Variants in PALM2AKAP2 observed in about 807,000 individuals in gnomAD.
PALM2AKAP2 encodes PALM2 and AKAP2 fusion, also known as PALM2-AKAP2 fusion protein.
Under a neutral mutation model 71.5 loss-of-function variants are expected in PALM2AKAP2, and 37 were observed. That is an observed-to-expected ratio of 0.52 (90% confidence interval 0.40 to 0.68). The LOEUF is 0.68. Ranked by LOEUF, PALM2AKAP2 falls within the 30% of genes least tolerant of loss-of-function variation. The pLI, the probability that PALM2AKAP2 is intolerant of heterozygous loss-of-function variation, is 0.00. For synonymous variants in PALM2AKAP2, 468 were observed against 478.8 expected, an observed-to-expected ratio of 0.98 and a Z score of 0.29; for missense variants, 1,224 against 1,191.8, an observed-to-expected ratio of 1.03 and a Z score of -0.40.
At chr9:109,732,158 G>A (rs1828565782) in intron 1 of PALM2AKAP2, among the ~76,000 whole-genome samples, 1 of 152,194 alleles carries the variant, frequency 6.6e-6, no homozygotes, top group Non-Finnish European at 1.5e-5. Context: ...AAAGACCAAT[G>A]TACAGATCAA....
rs377317136 is a variant in PALM2AKAP2, at chr9:109,759,427, A to C, written c.6-21061A>C. Among the ~76,000 whole-genome samples, 13 of 152,292 alleles carry C rather than the reference A, an allele frequency of 8.5e-5. 1 individual carries two copies. The East Asian group carries it at 2.1e-3, about 25-fold the overall frequency. On this transcript the variant is annotated intron_variant, in intron 1 of 6. Coordinates refer to the PALM2AKAP2 transcript ENST00000374531. The stretch of plus-strand genomic sequence containing the variant: ...TCAAAACGGTGATTCTTTAAGGTGC[A>C]AGATAGTGTGAATCATTTAGTCTCC...
chr9:109,895,255 C>T (rs1026265536), intron 3 of PALM2AKAP2, among the ~76,000 whole-genome samples: 21 of 152,172 alleles, frequency 1.4e-4, no homozygotes, highest in Non-Finnish European at 2.8e-4. Flanking sequence ...CATGACTTTG[C>T]GGGGGCAGCT....
intron 6 of PALM2AKAP2, among the ~76,000 whole-genome samples, chr9:109,961,161 C>T (rs1032924042): frequency 3.3e-5 from 5 of 152,226 alleles, no homozygotes; most frequent in African/African-American, 1.2e-4. Flanking sequence ...GCAACCTATC[C>T]GTTCTTTGGA....
chr9:110,044,995 G>C (rs1032635766), upstream of PALM2AKAP2, among the ~76,000 whole-genome samples: 5 of 152,108 alleles, frequency 3.3e-5, no homozygotes, highest in Admixed American at 2.0e-4. Context: ...CCTGTATCTA[G>C]GCTAACTTCC....
chr9:109,732,023 C>T (rs1269873903), intron 1 of PALM2AKAP2, among the ~76,000 whole-genome samples: 1 of 152,266 alleles, frequency 6.6e-6, no homozygotes. Flanking sequence ...TGGGTACTTT[C>T]GTGCCTTCAG....
chr9:109,965,083 A>C (rs1439500295), intron 6 of PALM2AKAP2, among the ~76,000 whole-genome samples: 1 of 152,252 alleles, frequency 6.6e-6, no homozygotes, highest in Admixed American at 6.5e-5. Context: ...AATGTTTATT[A>C]GTAAAAGCAG....
chr9:109,718,666 A>G (rs1194852949), intron 1 of PALM2AKAP2, among the ~76,000 whole-genome samples: 2 of 152,084 alleles, frequency 1.3e-5, no homozygotes, highest in Admixed American at 6.6e-5. Context: ...TAGTTTCCCC[A>G]TTGTTAACAT....
chr9:109,702,511 A>G (rs1828077193), intron 1 of PALM2AKAP2, among the ~76,000 whole-genome samples: 1 of 145,930 alleles, frequency 6.9e-6, no homozygotes, highest in Non-Finnish European at 1.5e-5. Context: ...CAAACACCAC[A>G]TGTTCTCACT....
At chr9:110,103,341 G>A (rs2118887749) in intron 1 of PALM2AKAP2, among the ~76,000 whole-genome samples, 1 of 152,316 alleles carries the variant, frequency 6.6e-6, no homozygotes, top group African/African-American at 2.4e-5. Context: ...GCCAAGCCAA[G>A]CACAGTACTC....
chr9:109,963,348 A>T (rs1831886436), intron 6 of PALM2AKAP2, among the ~76,000 whole-genome samples: 2 of 152,204 alleles, frequency 1.3e-5, no homozygotes, highest in Admixed American at 1.3e-4. Flanking sequence ...AAGCCCATAG[A>T]CATATTGTGT....
upstream of PALM2AKAP2, chr9:109,780,169 G>A (rs1271467005): frequency 2.1e-6 from 1 of 479,548 alleles, no homozygotes; most frequent in Non-Finnish European, 2.7e-6. Context: ...CTAGCGCCGG[G>A]CTAGCGCGCC....
At chr9:109,807,037 A>G (rs72753030) in intron 1 of PALM2AKAP2, among the ~76,000 whole-genome samples, 1,763 of 152,272 alleles carry the variant, frequency 0.012, 21 homozygotes, top group Non-Finnish European at 0.016. Flanking sequence ...GGGAAAAGAG[A>G]TACATGTGGG....
At chr9:109,963,159 T>C (rs1831882922) in intron 6 of PALM2AKAP2, among the ~76,000 whole-genome samples, 1 of 152,106 alleles carries the variant, frequency 6.6e-6, no homozygotes, top group Admixed American at 6.5e-5. Context: ...GGGGAGGGTA[T>C]TGCAGAAAGA....
chr9:110,126,930 T>C (rs1230008760), intron 1 of PALM2AKAP2, among the ~76,000 whole-genome samples: 1 of 152,192 alleles, frequency 6.6e-6, no homozygotes, highest in Non-Finnish European at 1.5e-5. Flanking sequence ...GAGACTCCGT[T>C]CTATGAGAAA....
At chr9:109,816,756 GAGTT>G (rs1827864754) in intron 1 of PALM2AKAP2, among the ~76,000 whole-genome samples, 1 of 152,208 alleles carries the variant, frequency 6.6e-6, no homozygotes, top group Admixed American at 6.5e-5. Context: ...GCTGGGGACA[GAGTT>G]AAGGAGAGAG....
intron 1 of PALM2AKAP2, among the ~76,000 whole-genome samples, chr9:109,665,318 T>A (rs1033677791): frequency 6.6e-6 from 1 of 152,246 alleles, no homozygotes; most frequent in African/African-American, 2.4e-5. Flanking sequence ...CCCATCTTGT[T>A]GGTTTTATCT....
intron 6 of PALM2AKAP2, among the ~76,000 whole-genome samples, chr9:109,986,143 C>G (rs1216101541): frequency 1.3e-5 from 2 of 152,144 alleles, no homozygotes; most frequent in African/African-American, 4.8e-5. Flanking sequence ...TCTAATAAAG[C>G]CTTGGTATAG....
chr9:109,708,406 A>T (rs1828175919), intron 1 of PALM2AKAP2, among the ~76,000 whole-genome samples: 1 of 152,168 alleles, frequency 6.6e-6, no homozygotes, highest in African/African-American at 2.4e-5. Flanking sequence ...TTCATCATAA[A>T]CCCCAAATTC....
intron 5 of PALM2AKAP2, 55 bp from the exon 6 acceptor site, chr9:109,931,872 C>G: frequency 6.3e-7 from 1 of 1,586,100 alleles, no homozygotes; most frequent in Non-Finnish European, 8.6e-7. Context: ...CGGCAGTGAA[C>G]CCATTGGGCC....
Sources: allele counts gnomAD v4.1 joint callset (sites outside exome capture counted in the v4.1 genomes callset), GRCh38; gene constraint gnomAD v4.1.1; transcripts MANE v1.5; gene names NCBI Gene and HGNC (gene_info 2026-07-23, HGNC 2026-07-21).